RAPGEF5: variants seen among roughly 807,000 people sequenced by gnomAD.
RAPGEF5 encodes the protein Rap guanine nucleotide exchange factor 5.
Under a neutral mutation model 125.2 loss-of-function variants are expected in RAPGEF5, and 65 were observed. The ratio of observed to expected loss-of-function variants is 0.52; its 90% CI spans 0.43 to 0.64. RAPGEF5 has a LOEUF of 0.64. Among genes scored for constraint, RAPGEF5 ranks in the 30% least tolerant of loss-of-function variants. The pLI, the probability that RAPGEF5 is intolerant of heterozygous loss-of-function variation, is 0.00. For missense variants in RAPGEF5, 958 were observed against 1,048.1 expected, an observed-to-expected ratio of 0.91 and a Z score of 1.19; for synonymous variants, 391 against 385.9, an observed-to-expected ratio of 1.01 and a Z score of -0.16.
chr7:22,178,464 T>A (rs544253204), intron 11 of RAPGEF5, among the ~76,000 whole-genome samples: 2 of 152,326 alleles, frequency 1.3e-5, no homozygotes, highest in East Asian at 3.9e-4. Context: ...TCACCTGTAC[T>A]TCTGACCAGT....
chr7:22,335,065 C>A (rs533405588), intron 1 of RAPGEF5, among the ~76,000 whole-genome samples: 1 of 152,228 alleles, frequency 6.6e-6, no homozygotes, highest in African/African-American at 2.4e-5. Flanking sequence ...CCACTGTATC[C>A]TGCCCCAATA....
At chr7:22,276,056 A>G (rs755517168) in intron 6 of RAPGEF5, among the ~76,000 whole-genome samples, 4 of 152,190 alleles carry the variant, frequency 2.6e-5, no homozygotes, top group Non-Finnish European at 5.9e-5. Flanking sequence ...CTAACTGCTG[A>G]TCTACCTGAA....
At chr7:22,156,732 G>C (rs1246897588) in intron 16 of RAPGEF5, 78 bp downstream of exon 16, 2 of 1,599,054 alleles carry the variant, frequency 1.3e-6, no homozygotes, top group Non-Finnish European at 1.7e-6. Flanking sequence ...AGGTTAGTCA[G>C]GCTGATATGC....
intron 9 of RAPGEF5, among the ~76,000 whole-genome samples, chr7:22,199,771 T>C (rs1051941223): frequency 1.3e-5 from 2 of 152,096 alleles, no homozygotes; most frequent in African/African-American, 2.4e-5. Flanking sequence ...GAGGAAGCCC[T>C]GGAATTACTC....
At chr7:22,233,117 T>C (rs1022152470) in intron 7 of RAPGEF5, among the ~76,000 whole-genome samples, 1 of 152,112 alleles carries the variant, frequency 6.6e-6, no homozygotes, top group African/African-American at 2.4e-5. Context: ...GGCAAGACTA[T>C]AAAGGGAAAA....
chr7:22,211,021 G>C (rs372984861), intron 9 of RAPGEF5, among the ~76,000 whole-genome samples: 1 of 152,066 alleles, frequency 6.6e-6, no homozygotes, highest in Non-Finnish European at 1.5e-5. Context: ...AGTAAAATAC[G>C]CATATTTAGC....
chr7:22,308,301 G>C, intron 5 of RAPGEF5, 38 bp downstream of exon 5: 3 of 1,536,312 alleles, frequency 2.0e-6, no homozygotes, highest in Non-Finnish European at 2.6e-6. Context: ...TGTTGTCTAA[G>C]TGTAAGAATA....
At chr7:22,298,049 T>C (rs949224571) in intron 5 of RAPGEF5, among the ~76,000 whole-genome samples, 3 of 152,198 alleles carry the variant, frequency 2.0e-5, no homozygotes, top group East Asian at 1.9e-4. Context: ...GTGAATTATA[T>C]TGAATGATTT....
At chr7:22,284,130 T>C (rs1056125491) in intron 6 of RAPGEF5, among the ~76,000 whole-genome samples, 3 of 152,060 alleles carry the variant, frequency 2.0e-5, no homozygotes, top group African/African-American at 7.2e-5. Context: ...TATTTGGGGA[T>C]CTATTACCAG....
chr7:22,231,669 C>T (rs1315284871), intron 7 of RAPGEF5, among the ~76,000 whole-genome samples: 1 of 152,232 alleles, frequency 6.6e-6, no homozygotes, highest in Non-Finnish European at 1.5e-5. Context: ...TTCACACTGA[C>T]ATTCAACACC....
chr7:22,341,734 T>C (rs1784133047), intron 1 of RAPGEF5, among the ~76,000 whole-genome samples: 1 of 152,232 alleles, frequency 6.6e-6, no homozygotes, highest in Non-Finnish European at 1.5e-5. Flanking sequence ...AAATGATCTC[T>C]TTTGACTCCA....
intron 1 of RAPGEF5, among the ~76,000 whole-genome samples, chr7:22,320,884 C>G (rs1419361195): frequency 1.3e-5 from 2 of 152,118 alleles, no homozygotes; most frequent in African/African-American, 4.8e-5. Context: ...ATCCTAATCT[C>G]CTTATCAATT....
At chr7:22,205,827 T>C (rs941149965) in intron 9 of RAPGEF5, among the ~76,000 whole-genome samples, 2 of 152,244 alleles carry the variant, frequency 1.3e-5, no homozygotes, top group South Asian at 2.1e-4. Flanking sequence ...ATCATTTTAA[T>C]GTCCTGATAA....
intron 11 of RAPGEF5, among the ~76,000 whole-genome samples, chr7:22,170,280 C>G (rs936588479): frequency 1.3e-5 from 2 of 152,164 alleles, no homozygotes; most frequent in African/African-American, 4.8e-5. Context: ...GTCTCAAACT[C>G]TTGGCCTCAG....
chr7:22,122,354 C>T lies in RAPGEF5; in HGVS notation c.*52G>A. On this transcript the variant is annotated 3_prime_UTR_variant, in exon 26 of 26. Coordinates refer to ENST00000665637, the MANE Select transcript of RAPGEF5 (RefSeq NM_012294.5). The stretch of plus-strand genomic sequence containing the variant: ...AGGAAAGCAACGTGCTTGGCATAGA[C>T]ATTCCCGTAGCTCAAAGTGCTGCAG... 1 of 1,420,684 alleles carries T rather than the reference C, an allele frequency of 7.0e-7. No homozygotes were observed. Among genetic ancestry groups the T allele is most frequent in the Non-Finnish European group, 9.9e-7 (1 of 1,009,950 alleles). 88.0% of individuals were successfully genotyped at this position (1,420,684 alleles called of 1,614,324 possible). A position where few individuals can be genotyped will look rare whatever the true frequency, so the allele number is the denominator to read the frequency against.
At chr7:22,241,995 G>A (rs1391075051) in intron 7 of RAPGEF5, among the ~76,000 whole-genome samples, 1 of 152,148 alleles carries the variant, frequency 6.6e-6, no homozygotes, top group East Asian at 1.9e-4. Flanking sequence ...AAAGGAGGAA[G>A]TCAGGAAGTG....
chr7:22,256,506 G>A (rs996571823), intron 7 of RAPGEF5, among the ~76,000 whole-genome samples: 2 of 151,880 alleles, frequency 1.3e-5, no homozygotes, highest in East Asian at 1.9e-4. Context: ...GCAAAGACAC[G>A]TAATGACAAA....
chr7:22,193,091 T>G, intron 11 of RAPGEF5: 1 of 522,066 alleles, frequency 1.9e-6, no homozygotes, highest in Non-Finnish European at 3.4e-6. Flanking sequence ...CAACTGCCTT[T>G]AGGTGAGATT....
intron 4 of RAPGEF5, among the ~76,000 whole-genome samples, chr7:22,309,697 T>C (rs1783425285): frequency 6.6e-6 from 1 of 152,168 alleles, no homozygotes; most frequent in African/African-American, 2.4e-5. Context: ...GTAAGCAGCA[T>C]ATTGAGTTCA....
Sources: allele counts gnomAD v4.1 joint callset (sites outside exome capture counted in the v4.1 genomes callset), GRCh38; gene constraint gnomAD v4.1.1; transcripts MANE v1.5; gene names NCBI Gene and HGNC (gene_info 2026-07-23, HGNC 2026-07-21).